The following HAUS8 variants were observed in gnomAD, a reference collection of about 807,000 sequenced individuals.
HAUS8 encodes HAUS augmin like complex subunit 8, also known as HAUS augmin-like complex subunit 8.
In HAUS8, 38 loss-of-function variants were observed where a neutral mutation model predicts 42.9. The ratio of observed to expected loss-of-function variants is 0.89; its 90% CI spans 0.68 to 1.16. HAUS8 has a LOEUF of 1.16. HAUS8 is among the 50% of genes most tolerant of loss of function. HAUS8 has a pLI of 0.00. For missense variants in HAUS8, 494 were observed against 511.6 expected (o/e 0.97, Z 0.33); for synonymous variants, 199 against 205.8 (o/e 0.97, Z 0.28).
chr19:17,063,710 C>A lies in HAUS8; in HGVS notation c.148-931G>T, dbSNP rs115393940. On this transcript the variant is annotated intron_variant, in intron 3 of 10. Transcript: ENST00000253669. ...TGGGCACCATCCAATCCCTTGAGGG[C>A]CTGAATACAACAAAACAGTGGAAGG... is the stretch of plus-strand genomic sequence containing the variant. Among the ~76,000 whole-genome samples, 406 of 152,246 alleles carry A rather than the reference C, an allele frequency of 2.7e-3. 2 individuals are homozygous for A. The highest frequency in any genetic ancestry group is 9.3e-3 in the African/African-American group (385 of 41,538).
At chr19:17,073,144 AT>A (rs955295932) in intron 2 of HAUS8, 129 bp downstream of exon 2, 2 of 802,146 alleles carry the variant, frequency 2.5e-6, no homozygotes, top group African/African-American at 3.4e-5. Flanking sequence ...CAGACCCAGA[AT>A]CCCCACAGGT....
intron 8 of HAUS8, among the ~76,000 whole-genome samples, chr19:17,057,689 G>T (rs1271884036): frequency 6.6e-6 from 1 of 152,076 alleles, no homozygotes; most frequent in African/African-American, 2.4e-5. Flanking sequence ...GTGCTCACAT[G>T]AAAATTTTGG....
chr19:17,056,622 G>C (rs1248668631), intron 8 of HAUS8, among the ~76,000 whole-genome samples: 1 of 151,722 alleles, frequency 6.6e-6, no homozygotes, highest in Non-Finnish European at 1.5e-5. Context: ...ATGGAATCTT[G>C]CTCTGTCTCC....
At chr19:17,062,844 T>A in intron 3 of HAUS8, 65 bp from the exon 4 acceptor site, 2 of 1,198,172 alleles carry the variant, frequency 1.7e-6, no homozygotes, top group Non-Finnish European at 2.5e-6. Flanking sequence ...CGGGCCCTGA[T>A]GCGGTCTGCA....
chr19:17,052,742 T>C, intron 10 of HAUS8, 83 bp downstream of exon 10: 2 of 1,485,296 alleles, frequency 1.3e-6, no homozygotes, highest in Non-Finnish European at 9.3e-7. Context: ...CTAGAGGAAC[T>C]CGGCACCACC....
Position 17,062,688 on chromosome 19 carries a change from T to C in HAUS8, c.229+10A>G. 1 of 1,612,502 alleles carries C rather than the reference T, an allele frequency of 6.2e-7. No individual in the cohort carries two copies. On this transcript the variant is annotated intron_variant, in intron 4 of 10. Coordinates refer to ENST00000253669, the MANE Select transcript of HAUS8 (RefSeq NM_033417.2). The stretch of plus-strand genomic sequence containing the variant: ...CTCATCACTGCCCGAGGACCATGGC[T>C]GTTTCGCACCTTTGCTTTTCTGGAG...
intron 2 of HAUS8, among the ~76,000 whole-genome samples, chr19:17,069,738 C>T (rs1026570168): frequency 2.6e-5 from 4 of 152,108 alleles, no homozygotes; most frequent in Admixed American, 2.6e-4. Context: ...TGTCCCCCAG[C>T]CCTCTCCCGG....
At chr19:17,070,770 G>GATAGAA (rs1241720748) in intron 2 of HAUS8, among the ~76,000 whole-genome samples, 4 of 152,336 alleles carry the variant, frequency 2.6e-5, no homozygotes, top group Admixed American at 6.5e-5. Context: ...TCGATAATAT[G>GATAGAA]TCAAATGAAT....
chr19:17,062,773 C>A lies in HAUS8; in HGVS notation c.154G>T (p.Ala52Ser). ...YEKKTTQKAP[A>S]GDGSQTRGKM... ...CCTCGGGTCTGTGACCCATCTCCTG[C>A]AGGAGCCTGTTATGGGAACACATGA... Residue 52 changes from alanine to serine, a missense_variant, in exon 4 of 11, where the codon GCA becomes TCA. By Grantham distance (99) the Ala-to-Ser change is moderately conservative. Transcript: ENST00000253669. The A allele has an allele frequency of 6.2e-7, 1 of 1,613,322 alleles. No individual in the cohort carries two copies. The highest frequency in any genetic ancestry group is 8.5e-7 in the Non-Finnish European group (1 of 1,179,242).
chr19:17,073,199 G>GT, intron 2 of HAUS8, 75 bp downstream of exon 2: 4 of 1,365,588 alleles, frequency 2.9e-6, no homozygotes, highest in Non-Finnish European at 4.2e-6. Context: ...TCTCTGGCCT[G>GT]TTTTTTTCTT....
chr19:17,054,499 A>AT (rs938887883), intron 9 of HAUS8, among the ~76,000 whole-genome samples: 2 of 151,802 alleles, frequency 1.3e-5, no homozygotes, highest in African/African-American at 4.8e-5. Context: ...TACAAAAAAA[A>AT]ATATAATAAT....
chr19:17,066,289 G>A (rs2057386893), intron 3 of HAUS8, among the ~76,000 whole-genome samples: 1 of 151,920 alleles, frequency 6.6e-6, no homozygotes, highest in Non-Finnish European at 1.5e-5. Context: ...CAGAGACGGG[G>A]TCTCGCCCAT....
intron 1 of HAUS8, chr19:17,074,876 A>G (rs1568644859): frequency 6.4e-6 from 1 of 155,696 alleles, no homozygotes; most frequent in Non-Finnish European, 1.4e-5. Context: ...TTTCTTGTTC[A>G]TGGTGTGTTA....
intron 4 of HAUS8, among the ~76,000 whole-genome samples, chr19:17,061,556 G>A (rs1181095265): frequency 1.3e-5 from 2 of 152,178 alleles, no homozygotes; most frequent in Admixed American, 6.5e-5. Context: ...ACTCAAACAA[G>A]CAGTCCTTTG....
At chr19:17,057,369 T>C (rs572401503) in intron 8 of HAUS8, among the ~76,000 whole-genome samples, 1 of 152,076 alleles carries the variant, frequency 6.6e-6, no homozygotes, top group Non-Finnish European at 1.5e-5. Flanking sequence ...AAAAAATTTT[T>C]TTGTAGAGAT....
chr19:17,065,686 G>T (rs989264828), intron 3 of HAUS8, among the ~76,000 whole-genome samples: 3 of 152,122 alleles, frequency 2.0e-5, no homozygotes, highest in African/African-American at 7.2e-5. Context: ...AATTAGCTGG[G>T]TGTGGTGGCA....
At chr19:17,063,192 A>C (rs988303311) in intron 3 of HAUS8, among the ~76,000 whole-genome samples, 1 of 152,238 alleles carries the variant, frequency 6.6e-6, no homozygotes, top group Non-Finnish European at 1.5e-5. Flanking sequence ...CAAAAGCAAA[A>C]CAAAAATCTT....
chr19:17,052,784 A>G, intron 10 of HAUS8, 41 bp downstream of exon 10: 1 of 1,612,888 alleles, frequency 6.2e-7, no homozygotes, highest in Non-Finnish European at 8.5e-7. Context: ...GCCCTGAGCA[A>G]ACAGGGTGCC....
Position 17,058,636 on chromosome 19 carries a change from C to T in HAUS8, c.558G>A (p.Glu186=), listed in dbSNP as rs1243102431. The change falls in exon 8 of 11, where the codon GAG becomes GAA. Residue 186 remains glutamate (E), a synonymous_variant. Transcript: ENST00000253669. ...KNLLIMCKEK[E]KLQKKAHELK... ...GCTCGTGGGCCTTTTTCTGTAGCTT[C>T]TCCTTCTCCTTACACATTATTAATA... 6.2e-6 allele frequency: 10 copies of T among 1,613,776 alleles called. No individual in the cohort carries two copies. Among genetic ancestry groups the T allele is most frequent in the Non-Finnish European group, 6.8e-6 (8 of 1,179,880 alleles).
Sources: allele counts gnomAD v4.1 joint callset (sites outside exome capture counted in the v4.1 genomes callset), GRCh38; gene constraint gnomAD v4.1.1; transcripts MANE v1.5; gene names NCBI Gene and HGNC (gene_info 2026-07-23, HGNC 2026-07-21).